Variants in CTIF observed in about 807,000 individuals in gnomAD.
The protein encoded by CTIF is CBP80/20-dependent translation initiation factor.
CTIF carries 21 observed loss-of-function variants against 66.0 expected under a neutral mutation model. The ratio of observed to expected loss-of-function variants is 0.32; its 90% CI spans 0.23 to 0.46. The LOEUF is 0.46. Ranked by LOEUF, CTIF falls within the 20% of genes least tolerant of loss-of-function variation. The pLI, the probability that CTIF is intolerant of heterozygous loss-of-function variation, is 1.00. For synonymous variants in CTIF, 345 were observed against 326.4 expected (o/e 1.06, Z -0.62); for missense variants, 739 against 812.7 (o/e 0.91, Z 1.10).
chr18:48,600,891 A>G lies in CTIF; in HGVS notation c.-28-18647A>G, dbSNP rs531428593. The stretch of plus-strand genomic sequence containing the variant: ...CATCAATCCCAGTGCAGCCTGTCTC[A>G]TACTGGTGACATTTTACATTGGCAT... On this transcript the variant is annotated intron_variant, in intron 1 of 11. Coordinates refer to ENST00000256413, the MANE Select transcript of CTIF (RefSeq NM_014772.3). Among the ~76,000 whole-genome samples the G allele has an allele frequency of 2.6e-5, 4 of 152,262 alleles. No individual in the cohort carries two copies. The East Asian group carries it at 7.7e-4, about 29-fold the overall frequency.
intron 1 of CTIF, among the ~76,000 whole-genome samples, chr18:48,617,454 T>A (rs1476092412): frequency 2.0e-5 from 3 of 152,006 alleles, no homozygotes; most frequent in African/African-American, 7.3e-5. Flanking sequence ...TGGGAGAGGG[T>A]GTATACCCAT....
rs185310639 is a variant in CTIF at position 48,707,275 on chromosome 18, T to C, written c.508-4344T>C. Reference sequence around the variant, plus strand: ...TACCATTCAAGGGATCTATCCTTTTTAAAAAGCAAGGAGAGGTCTTTGGTC... The same window carrying C: ...TACCATTCAAGGGATCTATCCTTTTCAAAAAGCAAGGAGAGGTCTTTGGTC... On this transcript the variant is annotated intron_variant, in intron 6 of 11. Coordinates refer to ENST00000256413, the MANE Select transcript of CTIF (RefSeq NM_014772.3). 2.0e-3 allele frequency among the ~76,000 whole-genome samples: 304 copies of C among 152,328 alleles called. 1 individual carries two copies. Among genetic ancestry groups the C allele is most frequent in the Non-Finnish European group, 3.4e-3 (228 of 68,026 alleles).
chr18:48,834,231 T>C (rs968419648), intron 10 of CTIF, among the ~76,000 whole-genome samples: 2 of 152,218 alleles, frequency 1.3e-5, no homozygotes, highest in Admixed American at 6.5e-5. Context: ...GCCTCCACTC[T>C]GTCTTCATAG....
chr18:48,634,652 T>C (rs557172092), intron 2 of CTIF, among the ~76,000 whole-genome samples: 16 of 152,358 alleles, frequency 1.1e-4, no homozygotes, highest in Middle Eastern at 3.4e-3. Flanking sequence ...GCCCTCTTCC[T>C]GTCTCCCATT....
At chr18:48,688,307 G>A (rs2091875396) in intron 6 of CTIF, 2 of 152,242 alleles carry the variant, frequency 1.3e-5, no homozygotes, top group Non-Finnish European at 2.9e-5. Context: ...CTACCGACAT[G>A]TTGTCACCTC....
At chr18:48,781,938 G>A (rs1911272492) in intron 9 of CTIF, among the ~76,000 whole-genome samples, 2 of 152,224 alleles carry the variant, frequency 1.3e-5, no homozygotes, top group South Asian at 4.1e-4. Flanking sequence ...TTTGTAAACT[G>A]TAAAGTGCCA....
At chr18:48,697,817 G>A (rs2092028793) in intron 6 of CTIF, among the ~76,000 whole-genome samples, 1 of 151,968 alleles carries the variant, frequency 6.6e-6, no homozygotes. Flanking sequence ...GAATCTAAGG[G>A]ATCACCTCCT....
chr18:48,716,709 G>A (rs1289787592), intron 7 of CTIF, among the ~76,000 whole-genome samples: 1 of 152,200 alleles, frequency 6.6e-6, no homozygotes, highest in Non-Finnish European at 1.5e-5. Context: ...AGCAATGTCA[G>A]AAGACCCTGC....
chr18:48,542,612 G>A (rs555084483), intron 1 of CTIF, among the ~76,000 whole-genome samples: 35 of 152,212 alleles, frequency 2.3e-4, no homozygotes, highest in Non-Finnish European at 4.0e-4. Context: ...AGATAGTAGA[G>A]CAGAGATAGT....
chr18:48,615,918 C>A (rs2090391351), intron 1 of CTIF, among the ~76,000 whole-genome samples: 1 of 152,188 alleles, frequency 6.6e-6, no homozygotes, highest in African/African-American at 2.4e-5. Context: ...TTCCTCGGGG[C>A]ACCAAAAGGC....
chr18:48,643,133 C>A (rs1299738848), intron 3 of CTIF, among the ~76,000 whole-genome samples: 1 of 152,178 alleles, frequency 6.6e-6, no homozygotes, highest in South Asian at 2.1e-4. Context: ...CACCTCAAAT[C>A]CTTGATGGAA....
chr18:48,723,313 A>AG (rs1181339267), intron 7 of CTIF, among the ~76,000 whole-genome samples: 1 of 152,156 alleles, frequency 6.6e-6, no homozygotes, highest in East Asian at 1.9e-4. Flanking sequence ...GGACTAGGGG[A>AG]GGGCTGCTGC....
intron 1 of CTIF, among the ~76,000 whole-genome samples, chr18:48,554,814 T>C (rs1244418215): frequency 6.6e-6 from 1 of 152,238 alleles, no homozygotes; most frequent in Non-Finnish European, 1.5e-5. Flanking sequence ...GGCATCTGCC[T>C]TGTAGCCTCC....
At chr18:48,797,652 T>G (rs2067956391) in intron 9 of CTIF, among the ~76,000 whole-genome samples, 1 of 150,570 alleles carries the variant, frequency 6.6e-6, no homozygotes, top group Non-Finnish European at 1.5e-5. Context: ...CACTGTGGTA[T>G]TCTGGGGTGG....
At chr18:48,746,733 C>T (rs2092599830) in intron 7 of CTIF, among the ~76,000 whole-genome samples, 1 of 151,946 alleles carries the variant, frequency 6.6e-6, no homozygotes, top group African/African-American at 2.4e-5. Flanking sequence ...AATGCCAAGT[C>T]CAGCCCCCTG....
Position 48,768,395 on chromosome 18 carries a change from C to G in CTIF, c.1371+6706C>G, listed in dbSNP as rs540205631. On this transcript the variant is annotated intron_variant, in intron 9 of 11. Coordinates refer to ENST00000256413, the MANE Select transcript of CTIF (RefSeq NM_014772.3). ...GAGCCATCAGTCATGGGTACCAATGCTCTCTGGGGCATGAGGGGCTTTGAA... is the reference window on the plus strand; with the variant it reads ...GAGCCATCAGTCATGGGTACCAATGGTCTCTGGGGCATGAGGGGCTTTGAA... Among the ~76,000 whole-genome samples the G allele has an allele frequency of 7.2e-5, 11 of 152,254 alleles. No homozygotes were observed. The East Asian group carries it at 2.1e-3, about 29-fold the overall frequency.
At chr18:48,752,396 G>A (rs977459352) in intron 7 of CTIF, among the ~76,000 whole-genome samples, 2 of 152,178 alleles carry the variant, frequency 1.3e-5, no homozygotes, top group African/African-American at 4.8e-5. Flanking sequence ...TGTTGCCTAA[G>A]CTTTGTAGCG....
chr18:48,662,372 T>TGCAGGCG (rs1448328368), intron 3 of CTIF: 7 of 151,640 alleles, frequency 4.6e-5, no homozygotes. Context: ...TACTTAGACC[T>TGCAGGCG]GCAGGCTGTT....
intron 9 of CTIF, among the ~76,000 whole-genome samples, chr18:48,786,780 T>A (rs1179253990): frequency 6.6e-6 from 1 of 152,132 alleles, no homozygotes; most frequent in Non-Finnish European, 1.5e-5. Flanking sequence ...GAACCTGTTT[T>A]CCCTCTTTGG....
Sources: gnomAD v4.1 joint callset for allele counts (sites outside exome capture counted in the v4.1 genomes callset) on GRCh38, gnomAD v4.1.1 for gene constraint, MANE v1.5 for transcripts, NCBI Gene and HGNC (gene_info 2026-07-23, HGNC 2026-07-21) for gene names.